Variants in TLCD4 observed in about 807,000 individuals in gnomAD.
The protein encoded by TLCD4 is TLC domain containing 4.
TLCD4 carries 7 observed loss-of-function variants against 24.2 expected under a neutral mutation model. The ratio of observed to expected loss-of-function variants is 0.29; its 90% CI spans 0.16 to 0.54. The LOEUF (loss-of-function observed/expected upper bound fraction) is 0.54. Among genes scored for constraint, TLCD4 ranks in the 20% least tolerant of loss-of-function variants. TLCD4 has a pLI of 0.95. For missense variants in TLCD4, 259 were observed against 313.9 expected, an observed-to-expected ratio of 0.82 and a Z score of 1.32; for synonymous variants, 103 against 106.4, an observed-to-expected ratio of 0.97 and a Z score of 0.20.
chr1:95,100,304 G>A, the TLCD4 span, among the ~76,000 whole-genome samples: 2 of 152,100 alleles, frequency 1.3e-5, no homozygotes, highest in Admixed American at 6.6e-5. Context: ...GCTGGGTGCG[G>A]TGGCTCACGC....
chr1:95,099,643 A>G, the TLCD4 span, among the ~76,000 whole-genome samples: 84 of 152,302 alleles, frequency 5.5e-4, no homozygotes, highest in Non-Finnish European at 1.0e-3. Flanking sequence ...ATTCATTAAT[A>G]AACAAGAATG....
At chr1:95,116,579 T>G (rs552170706), upstream of TLCD4, among the ~76,000 whole-genome samples, 1 of 152,378 alleles carries the variant, frequency 6.6e-6, no homozygotes, top group African/African-American at 2.4e-5. Context: ...TGCATGAGTA[T>G]ACCTCTTTGT....
chr1:95,135,849 G>A (rs1677027157), intron 1 of TLCD4, among the ~76,000 whole-genome samples: 1 of 152,002 alleles, frequency 6.6e-6, no homozygotes, highest in African/African-American at 2.4e-5. Context: ...CCTCCTGGTA[G>A]CTGGGATTAC....
the TLCD4 span, among the ~76,000 whole-genome samples, chr1:95,109,943 A>G: frequency 7.1e-6 from 1 of 141,456 alleles, no homozygotes. Flanking sequence ...ATATATATAT[A>G]TATATATATA....
intron 1 of TLCD4, among the ~76,000 whole-genome samples, chr1:95,130,247 G>C (rs1676853995): frequency 6.6e-6 from 1 of 152,092 alleles, no homozygotes; most frequent in South Asian, 2.1e-4. Flanking sequence ...CCGCCTCCCA[G>C]GTTCAAGGGA....
chr1:95,119,787 C>G (rs1485265475), intron 1 of TLCD4, among the ~76,000 whole-genome samples: 1 of 150,836 alleles, frequency 6.6e-6, no homozygotes, highest in Non-Finnish European at 1.5e-5. Flanking sequence ...TTGTAAGAAA[C>G]TCTTTAGACC....
In TLCD4 at chr1:95,125,500, ATTT is replaced by A. The variant is rs571439833; in HGVS notation, c.-12+7886_-12+7888del. 5.9e-5 allele frequency: 9 copies of A among 152,326 alleles called. No homozygotes were observed. In the East Asian group the frequency reaches 1.5e-3, roughly 26 times the overall value. The allele number at this position is 152,326 out of a possible 1,614,324, so 9.4% of individuals were successfully genotyped here. On this transcript the variant is annotated intron_variant, in intron 1 of 6. Transcript: ENST00000370203. ...CCACTGTCAAAGTAGCTCGAGTAGA[ATTT>A]TTATCTTTTAAGACTAGTCAAGAGG...
chr1:95,136,244 G>T (rs1557680857), intron 1 of TLCD4, among the ~76,000 whole-genome samples: 5 of 150,250 alleles, frequency 3.3e-5, no homozygotes, highest in East Asian at 2.0e-4. Flanking sequence ...CCTGAAATTT[G>T]TTTTTTTTTG....
Position 95,143,928 on chromosome 1 carries a change from C to A in TLCD4, c.27C>A (p.Ile9=). The A allele has an allele frequency of 6.6e-7, 1 of 1,508,820 alleles. No homozygotes were observed. The highest frequency in any genetic ancestry group is 1.4e-5 in the African/African-American group (1 of 70,396). The allele number at this position is 1,508,820 out of a possible 1,614,324, so 93.5% of individuals were successfully genotyped here. Residue 9 remains isoleucine, a synonymous_variant, in exon 2 of 7, where the codon ATC becomes ATA. Transcript: ENST00000370203. MEINTKLL[I]SVTCISFFTF... The stretch of plus-strand genomic sequence containing the variant: ...TGGAGATCAACACAAAACTGCTCAT[C>A]AGTGTTACCTGTATCAGCTTTTTCA...
intron 5 of TLCD4, among the ~76,000 whole-genome samples, chr1:95,168,948 G>A (rs971218015): frequency 2.6e-5 from 4 of 152,206 alleles, no homozygotes; most frequent in Non-Finnish European, 4.4e-5. Flanking sequence ...CCAGCTAAGA[G>A]TTAAGGGGTC....
chr1:95,140,314 C>T (rs753579799), intron 1 of TLCD4, among the ~76,000 whole-genome samples: 2 of 152,084 alleles, frequency 1.3e-5, no homozygotes, highest in Non-Finnish European at 2.9e-5. Context: ...TAATGTGTTG[C>T]GCTGCGGTGT....
At chr1:95,180,161 A>G (rs1678583252) in intron 6 of TLCD4, among the ~76,000 whole-genome samples, 1 of 152,212 alleles carries the variant, frequency 6.6e-6, no homozygotes, top group Non-Finnish European at 1.5e-5. Context: ...GTTAAGCTTT[A>G]GCTAATTCTG....
In TLCD4 at chr1:95,194,476, T is replaced by A. The variant is rs1331699128; in HGVS notation, c.*2608T>A. ...CATTTATTAAATGAAAAACGTTTGC[T>A]AGACATTTTAAATATTAAGTATTTT... is the stretch of plus-strand genomic sequence containing the variant. On this transcript the variant is annotated 3_prime_UTR_variant, in exon 7 of 7. Transcript: ENST00000370203. The A allele has an allele frequency of 6.6e-6, 1 of 152,128 alleles. No individual in the cohort carries two copies. Among genetic ancestry groups the A allele is most frequent in the Non-Finnish European group, 1.5e-5 (1 of 67,988 alleles). The allele number at this position is 152,128 out of a possible 1,614,324, so 9.4% of individuals were successfully genotyped here. A position where few individuals can be genotyped will look rare whatever the true frequency, so the allele number is the denominator to read the frequency against.
chr1:95,150,220 A>T lies in TLCD4; in HGVS notation c.258A>T (p.Ser86=). 1.2e-6 allele frequency: 2 copies of T among 1,608,124 alleles called. No individual in the cohort carries two copies. Among genetic ancestry groups the T allele is most frequent in the Non-Finnish European group, 1.7e-6 (2 of 1,178,972 alleles). The change falls in exon 4 of 7, where the codon TCA becomes TCT. Residue 86 remains serine, a synonymous_variant. Transcript: ENST00000370203. ...TKADPLWGGP[S]LANVNIAIAS... is the part of the protein sequence containing the mutation. Reference sequence around the variant, plus strand: ...TTTTTTTTTTCAGGGGTGGTCCATCACTTGCAAACGTGAATATTGCTATTG... The same window carrying T: ...TTTTTTTTTTCAGGGGTGGTCCATCTCTTGCAAACGTGAATATTGCTATTG...
chr1:95,142,576 T>A (rs1677234101), intron 1 of TLCD4, among the ~76,000 whole-genome samples: 1 of 152,116 alleles, frequency 6.6e-6, no homozygotes, highest in Non-Finnish European at 1.5e-5. Flanking sequence ...AGAGCCCGGT[T>A]ACAGAATTTT....
intron 6 of TLCD4, among the ~76,000 whole-genome samples, chr1:95,184,259 A>C (rs1051743377): frequency 3.9e-5 from 6 of 152,094 alleles, no homozygotes; most frequent in South Asian, 2.1e-4. Context: ...AGCTTTCCTA[A>C]GGCTCTCTCA....
At chr1:95,145,364 A>G (rs937352903) in intron 2 of TLCD4, among the ~76,000 whole-genome samples, 1 of 152,098 alleles carries the variant, frequency 6.6e-6, no homozygotes, top group African/African-American at 2.4e-5. Context: ...GCAGGCATCT[A>G]CTTTTATGAT....
At chr1:95,156,556 T>G (rs891856847) in intron 5 of TLCD4, among the ~76,000 whole-genome samples, 1 of 152,096 alleles carries the variant, frequency 6.6e-6, no homozygotes, top group Non-Finnish European at 1.5e-5. Context: ...GATGATGATA[T>G]GCAGAAAAAA....
At chr1:95,127,332 T>A (rs1233772862) in intron 1 of TLCD4, among the ~76,000 whole-genome samples, 3 of 152,192 alleles carry the variant, frequency 2.0e-5, no homozygotes, top group Admixed American at 2.0e-4. Context: ...AGCCCTACCT[T>A]AGCCACTTCC....
Sources: allele counts gnomAD v4.1 joint callset (sites outside exome capture counted in the v4.1 genomes callset), GRCh38; gene constraint gnomAD v4.1.1; transcripts MANE v1.5; gene names NCBI Gene and HGNC (gene_info 2026-07-23, HGNC 2026-07-21).